The following PCDHA11 variants were observed in gnomAD, a reference collection of about 807,000 sequenced individuals.
PCDHA11 encodes protocadherin alpha-11.
In PCDHA11, 61 loss-of-function variants were observed where a neutral mutation model predicts 70.3. The ratio of observed to expected loss-of-function variants is 0.87; its 90% CI spans 0.71 to 1.07. The LOEUF is 1.07. Among genes scored for constraint, PCDHA11 ranks in the 50% least tolerant of loss-of-function variants. The pLI, the probability that PCDHA11 is intolerant of heterozygous loss-of-function variation, is 0.00. For synonymous variants in PCDHA11, 633 were observed against 555.1 expected, an observed-to-expected ratio of 1.14 and a Z score of -1.97; for missense variants, 1,324 against 1,237.5, an observed-to-expected ratio of 1.07 and a Z score of -1.05.
chr5:140,917,435 T>A (rs1179418321), intron 1 of PCDHA11, among the ~76,000 whole-genome samples: 2 of 152,200 alleles, frequency 1.3e-5, no homozygotes, highest in South Asian at 2.1e-4. Flanking sequence ...CAATTTTTGT[T>A]TTTGCTGCAA....
chr5:140,884,105 C>T, intron 1 of PCDHA11: 2 of 1,613,466 alleles, frequency 1.2e-6, no homozygotes, highest in South Asian at 2.2e-5. Flanking sequence ...TGAATTGCAG[C>T]TGGCGGCGGT....
chr5:140,968,405 G>C (rs2096244938), intron 1 of PCDHA11: 7 of 1,614,002 alleles, frequency 4.3e-6, no homozygotes, highest in Non-Finnish European at 5.9e-6. Flanking sequence ...GGAGTTCTTT[G>C]TGACTGTGGA....
intron 3 of PCDHA11, among the ~76,000 whole-genome samples, chr5:140,995,133 T>C (rs1397108502): frequency 6.6e-6 from 1 of 152,230 alleles, no homozygotes; most frequent in Non-Finnish European, 1.5e-5. Flanking sequence ...TGAAACCTCA[T>C]TTAGTACTGA....
At chr5:140,922,210 A>AAC (rs2080722350) in intron 1 of PCDHA11, among the ~76,000 whole-genome samples, 2 of 152,232 alleles carry the variant, frequency 1.3e-5, no homozygotes, top group Admixed American at 1.3e-4. Context: ...GAAACTTTGT[A>AAC]AAACATTTGA....
chr5:140,996,918 A>T lies in PCDHA11; in HGVS notation c.2540-12709A>T, dbSNP rs10036183. On this transcript the variant is annotated intron_variant, in intron 3 of 3. Transcript: ENST00000398640. ...GAATTACATTGTTGAAGTAAATATT[A>T]AAAAATATAGCATTTTTGCATAGAA... Among the ~76,000 whole-genome samples, 492 of 152,328 alleles carry T rather than the reference A, an allele frequency of 3.2e-3. 4 individuals are homozygous for T. Among genetic ancestry groups the T allele is most frequent in the African/African-American group, 0.011 (464 of 41,562 alleles).
intron 1 of PCDHA11, among the ~76,000 whole-genome samples, chr5:140,933,127 A>G (rs1311388252): frequency 6.6e-6 from 1 of 151,992 alleles, no homozygotes; most frequent in East Asian, 1.9e-4. Flanking sequence ...AAGCTAAATA[A>G]TAAAGGTAGA....
At position 140,876,570 on chromosome 5, in the gene PCDHA11, T is replaced by A. The variant is rs782551095; in HGVS notation, c.2391+5076T>A. 5.7e-5 allele frequency: 92 copies of A among 1,614,172 alleles called. No individual in the cohort carries two copies. In the East Asian group the frequency reaches 2.0e-3, roughly 35 times the overall value. On this transcript the variant is annotated intron_variant, in intron 1 of 3. Coordinates refer to ENST00000398640, the MANE Select transcript of PCDHA11 (RefSeq NM_018902.5). The stretch of plus-strand genomic sequence containing the variant: ...CTGTGCAAGAGGATGCTCAGGTGGG[T>A]ACCGTCATTGCCCTGATTAGCGTGT...
intron 1 of PCDHA11, chr5:140,926,635 C>A: frequency 2.3e-6 from 1 of 442,720 alleles, no homozygotes; most frequent in Non-Finnish European, 3.8e-6. Context: ...CTGCGCTCCT[C>A]AACACCCGGC....
chr5:140,954,836 A>T (rs1185482098), intron 1 of PCDHA11, among the ~76,000 whole-genome samples: 1 of 152,086 alleles, frequency 6.6e-6, no homozygotes, highest in Non-Finnish European at 1.5e-5. Context: ...TTTGTCATGA[A>T]ATCTTTGCCT....
At chr5:140,912,139 GTTC>G (rs2075787473) in intron 1 of PCDHA11, among the ~76,000 whole-genome samples, 1 of 152,162 alleles carries the variant, frequency 6.6e-6, no homozygotes. Context: ...ATCTCTCCAT[GTTC>G]TTCTGCCTGT....
chr5:140,973,825 T>A (rs1253333011), intron 1 of PCDHA11, among the ~76,000 whole-genome samples: 5 of 152,246 alleles, frequency 3.3e-5, no homozygotes, highest in Non-Finnish European at 5.9e-5. Context: ...AAGTCAGTTC[T>A]GGGTACTTGC....
intron 1 of PCDHA11, among the ~76,000 whole-genome samples, chr5:140,901,300 C>T (rs189786790): frequency 3.3e-5 from 5 of 152,176 alleles, no homozygotes; most frequent in African/African-American, 9.6e-5. Flanking sequence ...ACTGATGTTC[C>T]GGAGAGTTTC....
At chr5:140,977,094 T>C (rs1291290436) in intron 1 of PCDHA11, among the ~76,000 whole-genome samples, 1 of 152,206 alleles carries the variant, frequency 6.6e-6, no homozygotes, top group Non-Finnish European at 1.5e-5. Context: ...AATGTGTCAT[T>C]GGGGAAGTGA....
intron 1 of PCDHA11, chr5:140,928,117 A>G (rs781867812): frequency 1.1e-5 from 18 of 1,614,208 alleles, no homozygotes; most frequent in Non-Finnish European, 1.5e-5. Context: ...GGAGCAGATC[A>G]GTGAATACCA....
chr5:140,904,189 C>G (rs1436545458), intron 1 of PCDHA11, among the ~76,000 whole-genome samples: 1 of 151,968 alleles, frequency 6.6e-6, no homozygotes, highest in Non-Finnish European at 1.5e-5. Context: ...CCCCTTCCCA[C>G]CCTTTCCCCC....
At chr5:140,879,235 A>G (rs904336289) in intron 1 of PCDHA11, among the ~76,000 whole-genome samples, 5 of 152,240 alleles carry the variant, frequency 3.3e-5, no homozygotes, top group Middle Eastern at 3.2e-3. Flanking sequence ...CATATACAAG[A>G]GGCACTGGCA....
intron 1 of PCDHA11, among the ~76,000 whole-genome samples, chr5:140,952,473 A>C (rs1262702527): frequency 6.6e-6 from 1 of 152,210 alleles, no homozygotes; most frequent in Non-Finnish European, 1.5e-5. Flanking sequence ...GCATAAGGAA[A>C]GTGACATTTG....
intron 1 of PCDHA11, among the ~76,000 whole-genome samples, chr5:140,891,797 C>A (rs2063254101): frequency 6.6e-6 from 1 of 152,136 alleles, no homozygotes; most frequent in Non-Finnish European, 1.5e-5. Context: ...TATGAGGGAT[C>A]TGCCCTCATG....
chr5:140,899,548 T>C (rs1452628026), intron 1 of PCDHA11, among the ~76,000 whole-genome samples: 5 of 152,214 alleles, frequency 3.3e-5, no homozygotes, highest in African/African-American at 1.2e-4. Flanking sequence ...TCATGGTGGA[T>C]AAGCTTTTTG....
Sources: gnomAD v4.1 joint callset for allele counts (sites outside exome capture counted in the v4.1 genomes callset) on GRCh38, gnomAD v4.1.1 for gene constraint, MANE v1.5 for transcripts, NCBI Gene and HGNC (gene_info 2026-07-23, HGNC 2026-07-21) for gene names.